Variants in BMPR1B observed in about 807,000 individuals in gnomAD.
BMPR1B encodes bone morphogenetic protein receptor type 1B, also known as bone morphogenetic protein receptor type-1B.
In BMPR1B, 12 loss-of-function variants were observed where a neutral mutation model predicts 59.1. The observed-to-expected ratio is 0.20, with a 90% CI of 0.13 to 0.33. The LOEUF is 0.33. BMPR1B is among the 10% of genes least tolerant of loss of function. BMPR1B has a pLI of 1.00. For missense variants in BMPR1B, 550 were observed against 610.9 expected, an observed-to-expected ratio of 0.90 and a Z score of 1.05; for synonymous variants, 237 against 207.3, an observed-to-expected ratio of 1.14 and a Z score of -1.23.
chr4:94,937,202 C>T (rs1729343689), intron 2 of BMPR1B, among the ~76,000 whole-genome samples: 1 of 152,192 alleles, frequency 6.6e-6, no homozygotes, highest in African/African-American at 2.4e-5. Context: ...AGTTGAATGC[C>T]ATTCCTACCT....
At chr4:94,919,742 T>C (rs1026507056) in intron 2 of BMPR1B, among the ~76,000 whole-genome samples, 2 of 152,168 alleles carry the variant, frequency 1.3e-5, no homozygotes, top group Non-Finnish European at 2.9e-5. Context: ...GGGCAAAGTC[T>C]ATGATCCAGC....
At chr4:94,811,588 A>G (rs544507634) in intron 1 of BMPR1B, among the ~76,000 whole-genome samples, 53 of 152,346 alleles carry the variant, frequency 3.5e-4, no homozygotes, top group Non-Finnish European at 5.7e-4. Context: ...GATGATTATT[A>G]AGAGAATTGA....
chr4:95,003,801 C>CTTTTTTTTTTTTTT (rs5860385), intron 3 of BMPR1B, among the ~76,000 whole-genome samples: 2 of 84,560 alleles, frequency 2.4e-5, no homozygotes, highest in African/African-American at 4.8e-5. Flanking sequence ...CAAAGTCCAT[C>CTTTTTTTTTTTTTT]TTTTTTTTTT....
chr4:94,775,611 T>G (rs1428152641), intron 1 of BMPR1B, among the ~76,000 whole-genome samples: 1 of 152,242 alleles, frequency 6.6e-6, no homozygotes, highest in Non-Finnish European at 1.5e-5. Flanking sequence ...AAATGTCTGG[T>G]TAACTTTAGC....
At chr4:94,764,466 A>G (rs1169196507) in intron 1 of BMPR1B, among the ~76,000 whole-genome samples, 1 of 152,102 alleles carries the variant, frequency 6.6e-6, no homozygotes, top group Non-Finnish European at 1.5e-5. Context: ...TTACTGCAAT[A>G]CCCTTGGGGT....
intron 1 of BMPR1B, among the ~76,000 whole-genome samples, chr4:94,857,865 T>A (rs1188283083): frequency 6.6e-6 from 1 of 152,256 alleles, no homozygotes; most frequent in African/African-American, 2.4e-5. Flanking sequence ...AAACAATGTG[T>A]TAATGACAAA....
chr4:94,833,822 G>A (rs79456659), intron 1 of BMPR1B, among the ~76,000 whole-genome samples: 18,392 of 152,198 alleles, frequency 0.12, 1,171 homozygotes, highest in Non-Finnish European at 0.13. Context: ...TGAATTAGGA[G>A]TGAATGAACT....
At chr4:94,843,585 T>A (rs1725185332) in intron 1 of BMPR1B, among the ~76,000 whole-genome samples, 1 of 152,198 alleles carries the variant, frequency 6.6e-6, no homozygotes. Context: ...TTAGAGACCT[T>A]TATTTTAGTT....
chr4:94,970,322 C>CTT (rs1730738976), intron 2 of BMPR1B, among the ~76,000 whole-genome samples: 11 of 124,802 alleles, frequency 8.8e-5, no homozygotes, highest in African/African-American at 8.9e-5. Context: ...CTCTCTTTCT[C>CTT]TCTTTTTCTC....
intron 2 of BMPR1B, among the ~76,000 whole-genome samples, chr4:94,976,015 T>C (rs950574108): frequency 6.6e-6 from 1 of 152,240 alleles, no homozygotes; most frequent in African/African-American, 2.4e-5. Context: ...AGGGTTTGGC[T>C]ATTTGCTTCT....
chr4:95,142,365 T>C (rs572189943), intron 10 of BMPR1B, among the ~76,000 whole-genome samples: 5 of 152,152 alleles, frequency 3.3e-5, no homozygotes, highest in Non-Finnish European at 7.4e-5. Context: ...TCCTGTAGTA[T>C]ATGTAATGGG....
intron 1 of BMPR1B, among the ~76,000 whole-genome samples, chr4:94,840,193 C>CAA (rs946252090): frequency 2.0e-5 from 3 of 147,898 alleles, no homozygotes; most frequent in Non-Finnish European, 4.5e-5. Context: ...CTGCCCTTAA[C>CAA]ATTTTTTCCT....
rs544494083 is a variant in BMPR1B at position 94,995,594 on chromosome 4, C to T, written c.-112-446C>T. On this transcript the variant is annotated intron_variant, in intron 2 of 12. Coordinates refer to ENST00000515059, the MANE Select transcript of BMPR1B (RefSeq NM_001203.3). The stretch of plus-strand genomic sequence containing the variant: ...TTGGCCGAAACAAAGGCAGTATTTC[C>T]TTTCTTGTCTTTGACTCCACCTAGC... Among the ~76,000 whole-genome samples, 14 of 152,262 alleles carry T rather than the reference C, an allele frequency of 9.2e-5. 1 individual carries two copies. The highest frequency in any genetic ancestry group is 3.1e-4 in the African/African-American group (13 of 41,554).
chr4:95,025,098 A>G (rs948496877), intron 3 of BMPR1B, among the ~76,000 whole-genome samples: 4 of 152,148 alleles, frequency 2.6e-5, no homozygotes, highest in Non-Finnish European at 5.9e-5. Context: ...AAAAAAGAAA[A>G]TGAGAAAGAG....
At chr4:94,881,894 G>A (rs17022443) in intron 2 of BMPR1B, among the ~76,000 whole-genome samples, 11,981 of 152,194 alleles carry the variant, frequency 0.079, 1,238 homozygotes, top group African/African-American at 0.24. Context: ...GAGATATCCT[G>A]TAGTGGTTTA....
chr4:95,027,851 T>C (rs956698377), intron 3 of BMPR1B, among the ~76,000 whole-genome samples: 69 of 152,306 alleles, frequency 4.5e-4, no homozygotes, highest in African/African-American at 1.6e-3. Flanking sequence ...ATCTGTGTAT[T>C]ACTGTCTAGT....
intron 2 of BMPR1B, among the ~76,000 whole-genome samples, chr4:94,900,010 AAG>A (rs1440151977): frequency 6.6e-6 from 1 of 152,030 alleles, no homozygotes; most frequent in Non-Finnish European, 1.5e-5. Flanking sequence ...GATTTGCAGC[AAG>A]AGAGAGGAAC....
At chr4:94,954,728 G>A (rs1167846025) in intron 2 of BMPR1B, among the ~76,000 whole-genome samples, 1 of 152,044 alleles carries the variant, frequency 6.6e-6, no homozygotes, top group African/African-American at 2.4e-5. Flanking sequence ...TTTTTTAAAT[G>A]ATGGAGACCA....
At chr4:94,981,766 C>T (rs181936475) in intron 2 of BMPR1B, among the ~76,000 whole-genome samples, 5 of 152,242 alleles carry the variant, frequency 3.3e-5, no homozygotes, top group South Asian at 2.1e-4. Context: ...GCCTGATAAA[C>T]GTATCTAAAT....
Sources: allele counts gnomAD v4.1 joint callset (sites outside exome capture counted in the v4.1 genomes callset), GRCh38; gene constraint gnomAD v4.1.1; transcripts MANE v1.5; gene names NCBI Gene and HGNC (gene_info 2026-07-23, HGNC 2026-07-21).